The following STRBP variants were observed in gnomAD, a reference collection of about 807,000 sequenced individuals.
STRBP encodes the protein spermatid perinuclear RNA binding protein, also known as spermatid perinuclear RNA-binding protein.
STRBP carries 13 observed loss-of-function variants against 80.1 expected under a neutral mutation model. The ratio of observed to expected loss-of-function variants is 0.16; its 90% CI spans 0.11 to 0.26. The LOEUF is 0.26. Among genes scored for constraint, STRBP ranks in the 10% least tolerant of loss-of-function variants. The probability of loss-of-function intolerance (pLI) is 1.00; values close to 1 mark genes in which losing one functional copy is unlikely to be tolerated. For synonymous variants in STRBP, 284 were observed against 291.2 expected (o/e 0.98, Z 0.25); for missense variants, 485 against 815.2 (o/e 0.59, Z 4.93).
At chr9:123,156,880 A>G (rs1337592305) in intron 11 of STRBP, among the ~76,000 whole-genome samples, 1 of 152,092 alleles carries the variant, frequency 6.6e-6, no homozygotes, top group African/African-American at 2.4e-5. Context: ...AATATCCGGT[A>G]TTAAATATTC....
At chr9:123,247,119 G>C (rs899345437) in intron 1 of STRBP, among the ~76,000 whole-genome samples, 7 of 151,908 alleles carry the variant, frequency 4.6e-5, no homozygotes, top group Non-Finnish European at 7.4e-5. Flanking sequence ...TTATAAAAGG[G>C]GAGAACAGCC....
At chr9:123,263,363 A>G (rs1341919056) in intron 1 of STRBP, among the ~76,000 whole-genome samples, 23 of 151,992 alleles carry the variant, frequency 1.5e-4, no homozygotes, top group Admixed American at 1.5e-3. Context: ...GGTCTCTACT[A>G]AAAGTAAAAA....
Position 123,147,763 on chromosome 9 carries a change from A to T in STRBP, c.1138+15T>A. ...CTCTCTAGTTTGCATCTATAAGAAT[A>T]AAGGTTTTACACACTTTTCCTTAAG... On this transcript the variant is annotated intron_variant, in intron 12 of 18. Coordinates refer to ENST00000348403, the MANE Select transcript of STRBP (RefSeq NM_018387.5). 6.3e-7 allele frequency: 1 copy of T among 1,598,272 alleles called. No homozygotes were observed. The highest frequency in any genetic ancestry group is 8.5e-7 in the Non-Finnish European group (1 of 1,170,624).
At chr9:123,236,011 C>A (rs1162747132) in intron 2 of STRBP, among the ~76,000 whole-genome samples, 1 of 152,154 alleles carries the variant, frequency 6.6e-6, no homozygotes, top group Non-Finnish European at 1.5e-5. Context: ...CAGATTACCA[C>A]AAACTCTACA....
chr9:123,189,812 C>T (rs1360425617), intron 2 of STRBP, among the ~76,000 whole-genome samples: 4 of 151,424 alleles, frequency 2.6e-5, no homozygotes, highest in Admixed American at 6.6e-5. Context: ...CAAACCTGCA[C>T]GTTGTGCACA....
intron 11 of STRBP, among the ~76,000 whole-genome samples, chr9:123,155,888 T>C (rs748390863): frequency 6.6e-6 from 1 of 150,468 alleles, no homozygotes; most frequent in Non-Finnish European, 1.5e-5. Context: ...GTCAGGAAGC[T>C]AGGTGCTAAA....
chr9:123,214,282 T>C (rs2039819530), intron 2 of STRBP, among the ~76,000 whole-genome samples: 1 of 151,936 alleles, frequency 6.6e-6, no homozygotes, highest in Admixed American at 6.6e-5. Flanking sequence ...AACTCAGGAA[T>C]GGAAAACCAA....
intron 18 of STRBP, among the ~76,000 whole-genome samples, chr9:123,125,939 T>A (rs889197760): frequency 2.6e-5 from 4 of 152,208 alleles, no homozygotes; most frequent in Non-Finnish European, 4.4e-5. Flanking sequence ...TACCATGAAT[T>A]CTGAAAATCA....
At chr9:123,121,539 G>A (rs2035733021), downstream of STRBP, 1 of 151,948 alleles carries the variant, frequency 6.6e-6, no homozygotes, top group Non-Finnish European at 1.5e-5. Context: ...GAGTCTTGCT[G>A]AAGTTGGTTC....
At chr9:123,178,950 C>T (rs936705233) in intron 4 of STRBP, 57 bp downstream of exon 4, 9 of 1,535,830 alleles carry the variant, frequency 5.9e-6, no homozygotes, top group African/African-American at 1.4e-5. Flanking sequence ...ATCCAGCAGA[C>T]CTTAGAGCTT....
intron 2 of STRBP, among the ~76,000 whole-genome samples, chr9:123,212,422 C>T (rs750284220): frequency 1.3e-5 from 2 of 152,082 alleles, no homozygotes; most frequent in East Asian, 3.8e-4. Flanking sequence ...TACTAAAATT[C>T]GTATATTTAT....
At chr9:123,207,928 A>C (rs1055721831) in intron 2 of STRBP, among the ~76,000 whole-genome samples, 12 of 152,192 alleles carry the variant, frequency 7.9e-5, no homozygotes, top group African/African-American at 2.9e-4. Context: ...CTAATTTCAA[A>C]ATATTTTTAA....
chr9:123,183,263 C>T (rs1342265557), intron 3 of STRBP, among the ~76,000 whole-genome samples: 4 of 151,568 alleles, frequency 2.6e-5, no homozygotes, highest in African/African-American at 9.7e-5. Flanking sequence ...GGCGAAACCC[C>T]GTCTCTACTA....
In STRBP at chr9:123,158,051, G is replaced by T. The variant is rs755534170; in HGVS notation, c.1006C>A (p.Pro336Thr). Residue 336 changes from proline to threonine, a missense_variant, in exon 11 of 19, where the codon CCT (proline) becomes ACT (threonine). This residue lies in a region of STRBP where 377 missense variants were observed against 616.1 expected (regional missense o/e 0.61). Coordinates refer to ENST00000348403, the MANE Select transcript of STRBP (RefSeq NM_018387.5). ...ACTGACCAGGAATACTTCTGAAAAGGCTTACTAGATGGAAGGGGGTCCATC... is the reference window on the plus strand; with the variant it reads ...ACTGACCAGGAATACTTCTGAAAAGTCTTACTAGATGGAAGGGGGTCCATC... ...LEMDPLPSSK[P>T]FQKYSWSVTD... The T allele has an allele frequency of 1.2e-6, 2 of 1,609,018 alleles. No individual in the cohort carries two copies. Among genetic ancestry groups the T allele is most frequent in the South Asian group, 2.2e-5 (2 of 90,674 alleles).
chr9:123,135,261 TAAAC>T (rs2036304040), intron 16 of STRBP, among the ~76,000 whole-genome samples: 1 of 152,220 alleles, frequency 6.6e-6, no homozygotes, highest in South Asian at 2.1e-4. Context: ...AATGTAGAAT[TAAAC>T]AATCTAAGCT....
chr9:123,208,534 T>C (rs924498044), intron 2 of STRBP, among the ~76,000 whole-genome samples: 15 of 152,160 alleles, frequency 9.9e-5, no homozygotes, highest in African/African-American at 3.6e-4. Context: ...TGTAGACTGG[T>C]GGGCCACACA....
chr9:123,175,445 A>G (rs2038179820), intron 4 of STRBP, among the ~76,000 whole-genome samples: 1 of 152,202 alleles, frequency 6.6e-6, no homozygotes, highest in Admixed American at 6.5e-5. Context: ...TGGCAGTGGA[A>G]ACTAGAAAGG....
intron 1 of STRBP, among the ~76,000 whole-genome samples, chr9:123,241,347 AT>A (rs1174926605): frequency 2.0e-5 from 3 of 151,550 alleles, no homozygotes; most frequent in Non-Finnish European, 1.5e-5. Context: ...ACAAAAAAGA[AT>A]TTTTTTCAAT....
At chr9:123,176,711 T>C (rs1442245749) in intron 4 of STRBP, among the ~76,000 whole-genome samples, 1 of 152,202 alleles carries the variant, frequency 6.6e-6, no homozygotes, top group Non-Finnish European at 1.5e-5. Context: ...AGCCCACAGG[T>C]AGAAGACAGC....
Sources: gnomAD v4.1 joint callset for allele counts (sites outside exome capture counted in the v4.1 genomes callset) on GRCh38, gnomAD v4.1.1 for gene constraint, gnomAD v4.1.1 regional missense constraint, MANE v1.5 for transcripts, NCBI Gene and HGNC (gene_info 2026-07-23, HGNC 2026-07-21) for gene names.